PDE4B: variants seen among roughly 807,000 people sequenced by gnomAD.
The protein encoded by PDE4B is 3',5'-cyclic-AMP phosphodiesterase 4B.
In PDE4B, 20 loss-of-function variants were observed where a neutral mutation model predicts 82.2. The ratio of observed to expected loss-of-function variants is 0.24; its 90% confidence interval spans 0.17 to 0.35. PDE4B has a LOEUF of 0.35. PDE4B is among the 10% of genes least tolerant of loss of function. The probability of loss-of-function intolerance (pLI) is 1.00; values close to 1 mark genes in which losing one functional copy is unlikely to be tolerated. For missense variants in PDE4B, 655 were observed against 907.2 expected, an observed-to-expected ratio of 0.72 and a Z score of 3.57; for synonymous variants, 320 against 318.9, an observed-to-expected ratio of 1.00 and a Z score of -0.04.
intron 1 of PDE4B, among the ~76,000 whole-genome samples, chr1:65,800,121 T>A (rs1479978545): frequency 6.6e-6 from 1 of 152,234 alleles, no homozygotes; most frequent in Non-Finnish European, 1.5e-5. Flanking sequence ...ATCCATGTTT[T>A]CCTTATATCA....
intron 7 of PDE4B, among the ~76,000 whole-genome samples, chr1:66,274,837 A>G (rs936145058): frequency 9.9e-5 from 15 of 152,226 alleles, no homozygotes; most frequent in Non-Finnish European, 1.8e-4. Flanking sequence ...GCCTTCTGGT[A>G]TCAGTAGAGA....
intron 3 of PDE4B, among the ~76,000 whole-genome samples, chr1:66,041,600 G>T (rs978233051): frequency 6.6e-6 from 1 of 151,774 alleles, no homozygotes; most frequent in Non-Finnish European, 1.5e-5. Context: ...TTCTCAAGAC[G>T]GGGCTCAATG....
intron 1 of PDE4B, among the ~76,000 whole-genome samples, chr1:65,849,533 A>G (rs1646305871): frequency 1.3e-5 from 2 of 152,140 alleles, no homozygotes; most frequent in Admixed American, 1.3e-4. Context: ...GTGCCAGTGT[A>G]TGCCATTCAA....
At chr1:66,096,506 A>AAGC in intron 3 of PDE4B, among the ~76,000 whole-genome samples, 1 of 111,498 alleles carries the variant, frequency 9.0e-6, no homozygotes, top group African/African-American at 3.5e-5. Flanking sequence ...AAGTAAAAAA[A>AAGC]ATTATATATA....
chr1:66,309,898 T>C (rs1194195820), intron 7 of PDE4B, among the ~76,000 whole-genome samples: 2 of 152,216 alleles, frequency 1.3e-5, no homozygotes, highest in Non-Finnish European at 2.9e-5. Flanking sequence ...CACTTAGTGC[T>C]GTTGATGTAC....
intron 7 of PDE4B, among the ~76,000 whole-genome samples, chr1:66,317,605 T>C (rs917290204): frequency 1.4e-4 from 22 of 152,270 alleles, no homozygotes; most frequent in African/African-American, 4.8e-4. Flanking sequence ...ATTATTATTT[T>C]TTTAAGTCAG....
intron 3 of PDE4B, among the ~76,000 whole-genome samples, chr1:66,188,462 G>C (rs1647394663): frequency 6.6e-6 from 1 of 152,000 alleles, no homozygotes; most frequent in African/African-American, 2.4e-5. Flanking sequence ...ATTATTGTGT[G>C]GGAGTCTAAG....
At chr1:66,327,530 T>C (rs574199440) in intron 7 of PDE4B, among the ~76,000 whole-genome samples, 1 of 152,366 alleles carries the variant, frequency 6.6e-6, no homozygotes, top group African/African-American at 2.4e-5. Context: ...AATGAGATAT[T>C]TGCAAAATAT....
chr1:66,285,786 G>T (rs567787387), intron 7 of PDE4B, among the ~76,000 whole-genome samples: 7 of 152,204 alleles, frequency 4.6e-5, no homozygotes, highest in African/African-American at 1.7e-4. Context: ...CAAGAAAAGA[G>T]CTGTACAATG....
intron 7 of PDE4B, among the ~76,000 whole-genome samples, chr1:66,319,931 C>A (rs1008050263): frequency 6.6e-6 from 1 of 152,150 alleles, no homozygotes; most frequent in Admixed American, 6.6e-5. Context: ...CATTAAAAAC[C>A]TCTCCAAAAT....
chr1:66,263,019 T>G (rs986716143), intron 6 of PDE4B, among the ~76,000 whole-genome samples: 15 of 152,230 alleles, frequency 9.9e-5, no homozygotes, highest in Non-Finnish European at 2.1e-4. Context: ...AGGTGTAAGA[T>G]AAAATTATTA....
intron 3 of PDE4B, among the ~76,000 whole-genome samples, chr1:65,997,942 T>C (rs1651642152): frequency 6.6e-6 from 1 of 152,122 alleles, no homozygotes. Flanking sequence ...AGAGATGACA[T>C]TTGTGTGGGG....
chr1:65,910,271 T>C (rs1647074890), intron 1 of PDE4B, among the ~76,000 whole-genome samples: 2 of 152,108 alleles, frequency 1.3e-5, no homozygotes, highest in Admixed American at 1.3e-4. Flanking sequence ...CATCTGTGAG[T>C]GAGGACACAA....
At chr1:65,798,236 GTCTTTTT>G (rs1645653909) in intron 1 of PDE4B, among the ~76,000 whole-genome samples, 1 of 48,998 alleles carries the variant, frequency 2.0e-5, no homozygotes, top group African/African-American at 2.0e-4. Context: ...GGCCAGGCTA[GTCTTTTT>G]TTTTTTTTTT....
intron 8 of PDE4B, among the ~76,000 whole-genome samples, chr1:66,338,581 G>C (rs914821912): frequency 2.6e-5 from 4 of 152,158 alleles, no homozygotes; most frequent in Non-Finnish European, 5.9e-5. Flanking sequence ...GCCTATTTCA[G>C]ATCAATTTGC....
At chr1:66,209,660 G>T (rs538563635) in intron 3 of PDE4B, among the ~76,000 whole-genome samples, 5 of 152,260 alleles carry the variant, frequency 3.3e-5, no homozygotes, top group African/African-American at 9.6e-5. Context: ...TCAGTAAATT[G>T]CTTTGTGCCC....
At chr1:66,270,359 A>G (rs1655378811) in intron 7 of PDE4B, among the ~76,000 whole-genome samples, 1 of 152,212 alleles carries the variant, frequency 6.6e-6, no homozygotes, top group Admixed American at 6.5e-5. Flanking sequence ...TTCTGCCCAT[A>G]GCTTTACTTG....
intron 3 of PDE4B, among the ~76,000 whole-genome samples, chr1:65,985,878 A>G (rs1041811664): frequency 6.6e-6 from 1 of 152,196 alleles, no homozygotes; most frequent in African/African-American, 2.4e-5. Flanking sequence ...CCAGTCTGCC[A>G]CCTAATGAAT....
rs137960324 is a variant in PDE4B, at chr1:66,174,734, C to A, written c.282-72726C>A. Among the ~76,000 whole-genome samples, 278 of 148,258 alleles carry A rather than the reference C, an allele frequency of 1.9e-3. No individual in the cohort carries two copies. In the Middle Eastern group the frequency reaches 0.02, roughly 11 times the overall value. On this transcript the variant is annotated intron_variant, in intron 3 of 16. Transcript: ENST00000341517. The stretch of plus-strand genomic sequence containing the variant: ...TTGCACTCCAGCCTGTGTGACAGAG[C>A]CAGACTCCATCTCAAAAAAAGCAAC...
Sources: allele counts gnomAD v4.1 joint callset (sites outside exome capture counted in the v4.1 genomes callset), GRCh38; gene constraint gnomAD v4.1.1; transcripts MANE v1.5; gene names NCBI Gene and HGNC (gene_info 2026-07-23, HGNC 2026-07-21).